Variants in TP63 observed in about 807,000 individuals in gnomAD.
The protein encoded by TP63 is tumor protein p63.
Under a neutral mutation model 82.8 loss-of-function variants are expected in TP63, and 17 were observed. The observed-to-expected ratio is 0.21, with a 90% CI of 0.14 to 0.31. The LOEUF (loss-of-function observed/expected upper bound fraction) is 0.31, where lower values mean the gene tolerates loss of function less well. Ranked by LOEUF, TP63 falls within the 10% of genes least tolerant of loss-of-function variation. TP63 has a pLI of 1.00. For missense variants in TP63, 648 were observed against 895.3 expected (o/e 0.72, Z 3.52); for synonymous variants, 330 against 321.7 (o/e 1.03, Z -0.28).
At chr3:189,734,512 T>A (rs1312136311) in intron 1 of TP63, among the ~76,000 whole-genome samples, 1 of 152,120 alleles carries the variant, frequency 6.6e-6, no homozygotes, top group Non-Finnish European at 1.5e-5. Context: ...TCCCCAGTGG[T>A]ATAAGCTGGA....
At chr3:189,672,659 A>C (rs1715007978) in intron 1 of TP63, among the ~76,000 whole-genome samples, 1 of 111,232 alleles carries the variant, frequency 9.0e-6, no homozygotes, top group Non-Finnish European at 2.0e-5. Context: ...GGAGGAAGGA[A>C]GGAAAGAAGG....
At chr3:189,842,672 C>T (rs1216585028) in intron 4 of TP63, among the ~76,000 whole-genome samples, 1 of 152,202 alleles carries the variant, frequency 6.6e-6, no homozygotes, top group African/African-American at 2.4e-5. Context: ...AAACTAACTG[C>T]AGTTCAGTTC....
intron 1 of TP63, among the ~76,000 whole-genome samples, chr3:189,642,112 A>G (rs1006774060): frequency 6.6e-6 from 1 of 152,194 alleles, no homozygotes; most frequent in Non-Finnish European, 1.5e-5. Context: ...ACAGTATGCC[A>G]ATGTATTTTG....
At chr3:189,610,931 A>C in the TP63 span, among the ~76,000 whole-genome samples, 3 of 152,198 alleles carry the variant, frequency 2.0e-5, no homozygotes, top group African/African-American at 7.2e-5. Context: ...GCGCTTGTGC[A>C]GGAAAACTCC....
At position 189,742,009 on chromosome 3, in the gene TP63, G is replaced by A. The variant is rs1384321303; in HGVS notation, c.324+3235G>A. Among the ~76,000 whole-genome samples the A allele has an allele frequency of 4.6e-5, 7 of 152,126 alleles. No homozygotes were observed. In the South Asian group the frequency reaches 6.2e-4, roughly 14 times the overall value. Reference sequence around the variant, plus strand: ...TGTAATCTCAGCACTTTGGGAGGCCGAGGTGTGTGGATCACCTGAGGTCAG... The same window carrying A: ...TGTAATCTCAGCACTTTGGGAGGCCAAGGTGTGTGGATCACCTGAGGTCAG... On this transcript the variant is annotated intron_variant, in intron 3 of 13. Coordinates refer to ENST00000264731, the MANE Select transcript of TP63 (RefSeq NM_003722.5).
upstream of TP63, among the ~76,000 whole-genome samples, chr3:189,629,103 T>C (rs1326035225): frequency 4.6e-5 from 7 of 152,074 alleles, no homozygotes; most frequent in African/African-American, 1.7e-4. Context: ...AATAGATGAG[T>C]GTGGTGGCTC....
intron 4 of TP63, among the ~76,000 whole-genome samples, chr3:189,856,179 G>A (rs1362317352): frequency 6.6e-6 from 1 of 151,304 alleles, no homozygotes; most frequent in African/African-American, 2.4e-5. Flanking sequence ...GTTTAGAATG[G>A]TAAAGAAATG....
At chr3:189,642,729 T>G (rs1481776949) in intron 1 of TP63, among the ~76,000 whole-genome samples, 2 of 152,152 alleles carry the variant, frequency 1.3e-5, no homozygotes. Context: ...AGAGAGAGGC[T>G]GTGTAACCTG....
At chr3:189,606,624 G>T in the TP63 span, among the ~76,000 whole-genome samples, 1,176 of 145,870 alleles carry the variant, frequency 8.1e-3, 22 homozygotes, top group African/African-American at 0.027. Context: ...AGCAATTATC[G>T]TGCCTCAGCC....
rs1489154659 is a variant in TP63, at chr3:189,872,895, A to G, written c.1249A>G (p.Ile417Val). The change falls in exon 10 of 14, where the codon ATC (isoleucine) becomes GTC (valine). Residue 417 changes from isoleucine to valine, a missense_variant. By Grantham distance (29) the Ile-to-Val change is conservative. This residue lies in a region of TP63 where 342 missense variants were observed against 425.7 expected (regional missense o/e 0.80). Transcript: ENST00000264731. ...GRETYEMLLKIKESLELMQYL... is the reference protein window; with the variant it reads ...GRETYEMLLKVKESLELMQYL... ...TGAGACTTATGAAATGCTGTTGAAG[A>G]TCAAAGAGTCCCTGGAACTCATGCA... 6.2e-7 allele frequency: 1 copy of G among 1,614,168 alleles called. No homozygotes were observed. Among genetic ancestry groups the G allele is most frequent in the Non-Finnish European group, 8.5e-7 (1 of 1,180,008 alleles).
At chr3:189,675,651 T>C (rs2108681192) in intron 1 of TP63, among the ~76,000 whole-genome samples, 1 of 152,284 alleles carries the variant, frequency 6.6e-6, no homozygotes, top group East Asian at 1.9e-4. Context: ...TGAATCAATG[T>C]TGACTCATAA....
the TP63 span, among the ~76,000 whole-genome samples, chr3:189,625,643 C>G: frequency 6.6e-6 from 1 of 152,194 alleles, no homozygotes; most frequent in East Asian, 1.9e-4. Context: ...GAAATACACA[C>G]TGAGACATTT....
rs1366104882 is a variant in TP63 at position 189,870,171 on chromosome 3, G to A, written c.1212+765G>A. On this transcript the variant is annotated intron_variant, in intron 9 of 13. Coordinates refer to ENST00000264731, the MANE Select transcript of TP63 (RefSeq NM_003722.5). Reference sequence around the variant, plus strand: ...AAAAGTTCACAAAATTGATAATGCAGCAATGATAGCCTTGACTTTGATGTC... The same window carrying A: ...AAAAGTTCACAAAATTGATAATGCAACAATGATAGCCTTGACTTTGATGTC... Among the ~76,000 whole-genome samples, 4 of 152,140 alleles carry A rather than the reference G, an allele frequency of 2.6e-5. No homozygotes were observed. The South Asian group carries it at 8.3e-4, about 31-fold the overall frequency.
Position 189,662,428 on chromosome 3 carries a change from G to A in TP63, c.62+30851G>A, listed in dbSNP as rs73056139. On this transcript the variant is annotated intron_variant, in intron 1 of 13. Coordinates refer to ENST00000264731, the MANE Select transcript of TP63 (RefSeq NM_003722.5). ...ACTTTTATTCCACTGTGATCTGAGA[G>A]TATCGTTGGTATTATTTCAGTTTTT... 7.4e-3 allele frequency among the ~76,000 whole-genome samples: 1,120 copies of A among 151,992 alleles called. 14 individuals carry two copies. Among genetic ancestry groups the A allele is most frequent in the African/African-American group, 0.025 (1,041 of 41,478 alleles).
At chr3:189,692,188 T>G (rs548921504) in intron 1 of TP63, among the ~76,000 whole-genome samples, 1 of 152,350 alleles carries the variant, frequency 6.6e-6, no homozygotes, top group African/African-American at 2.4e-5. Flanking sequence ...CAGTATTCTC[T>G]TCTTAAAAGT....
chr3:189,711,635 C>G (rs939153668), intron 1 of TP63, among the ~76,000 whole-genome samples: 1 of 152,128 alleles, frequency 6.6e-6, no homozygotes, highest in African/African-American at 2.4e-5. Context: ...AGAATGCAAA[C>G]AAACGGGTAG....
Position 189,889,356 on chromosome 3 carries a change from C to T in TP63, c.1524C>T (p.Thr508=), listed in dbSNP as rs924306528. ...TCTGTTCAGTTCCCATGATGGGCAC[C>T]CACATGCCAATGGCTGGAGACATGA... ...GMGANIPMMG[T]HMPMAGDMNG... The change falls in exon 12 of 14, where the codon ACC becomes ACT. Residue 508 remains threonine (T), a synonymous_variant. Coordinates refer to ENST00000264731, the MANE Select transcript of TP63 (RefSeq NM_003722.5). 1 of 1,614,154 alleles carries T rather than the reference C, an allele frequency of 6.2e-7. No individual in the cohort carries two copies. The highest frequency in any genetic ancestry group is 8.5e-7 in the Non-Finnish European group (1 of 1,180,016).
chr3:189,790,805 A>G (rs1725054872), intron 3 of TP63, among the ~76,000 whole-genome samples: 2 of 152,234 alleles, frequency 1.3e-5, no homozygotes, highest in South Asian at 2.1e-4. Context: ...AGAGTACTCA[A>G]ATTGAGCTCC....
At chr3:189,800,779 C>T (rs1183637928) in intron 3 of TP63, among the ~76,000 whole-genome samples, 1 of 152,110 alleles carries the variant, frequency 6.6e-6, no homozygotes, top group African/African-American at 2.4e-5. Context: ...ATGCAAAGCA[C>T]TTGAACACTC....
Sources: gnomAD v4.1 joint callset for allele counts (sites outside exome capture counted in the v4.1 genomes callset) on GRCh38, gnomAD v4.1.1 for gene constraint, gnomAD v4.1.1 regional missense constraint, MANE v1.5 for transcripts, NCBI Gene and HGNC (gene_info 2026-07-23, HGNC 2026-07-21) for gene names.